Variants in KIF23 observed in about 807,000 individuals in gnomAD.
KIF23 encodes the protein kinesin-like protein KIF23.
A neutral mutation model predicts 137.5 loss-of-function variants in KIF23; 30 were observed. The ratio of observed to expected loss-of-function variants is 0.22; its 90% confidence interval spans 0.16 to 0.30. The LOEUF (loss-of-function observed/expected upper bound fraction) is 0.30, where lower values mean the gene tolerates loss of function less well. KIF23 is among the 10% of genes least tolerant of loss of function. The pLI, the probability that KIF23 is intolerant of heterozygous loss-of-function variation, is 1.00. For synonymous variants in KIF23, 367 were observed against 391.1 expected, an observed-to-expected ratio of 0.94 and a Z score of 0.73; for missense variants, 920 against 1,194.3, an observed-to-expected ratio of 0.77 and a Z score of 3.38.
At chr15:69,425,218 C>G (rs1240345184) in intron 7 of KIF23, 64 bp from the exon 8 acceptor site, 1 of 1,246,076 alleles carries the variant, frequency 8.0e-7, no homozygotes, top group East Asian at 2.5e-5. Context: ...ATAGTCTGGA[C>G]TGAACATGTT....
At position 69,414,359 on chromosome 15, in the gene KIF23, G is replaced by T; in HGVS notation, c.-107G>T. 1 of 1,486,180 alleles carries T rather than the reference G, an allele frequency of 6.7e-7. No homozygotes were observed. The highest frequency in any genetic ancestry group is 9.1e-7 in the Non-Finnish European group (1 of 1,098,392). The allele number at this position is 1,486,180 out of a possible 1,614,324, so 92.1% of individuals were successfully genotyped here. A position where few individuals can be genotyped will look rare whatever the true frequency, so the allele number is the denominator to read the frequency against. On this transcript the variant is annotated 5_prime_UTR_variant, in exon 1 of 24. Coordinates refer to ENST00000679126, the MANE Select transcript of KIF23 (RefSeq NM_001367805.3). The stretch of plus-strand genomic sequence containing the variant: ...GTCGCCGCCGGCTTCGCAGAGCACC[G>T]CGCCTTAGCCGCGAAGTTCTAGTTC...
At chr15:69,441,128 CT>C (rs761694647) in intron 19 of KIF23, 49 bp downstream of exon 19, 1 of 1,476,262 alleles carries the variant, frequency 6.8e-7, no homozygotes, top group South Asian at 1.3e-5. Flanking sequence ...ATTTTATCTT[CT>C]TTGTTTTTTG....
Position 69,435,526 on chromosome 15 carries a change from T to G in KIF23, c.1158T>G (p.Asp386Glu). The change falls in exon 12 of 24, where the codon GAT becomes GAG. Residue 386 changes from aspartate (D) to glutamate (E), a missense_variant. Physicochemically the swap from Asp to Glu is conservative, Grantham distance 45 (BLOSUM62 2). This residue lies in a region of KIF23 where 714 missense variants were observed against 866.2 expected (regional missense o/e 0.82). Coordinates refer to ENST00000679126, the MANE Select transcript of KIF23 (RefSeq NM_001367805.3). ...TAATGACGCTAAGAACATGTATGGA[T>G]GTCCTAAGAGAGAACCAAATGTATG... ...QSLMTLRTCMDVLRENQMYGT... is the reference protein window; with the variant it reads ...QSLMTLRTCMEVLRENQMYGT... 1 of 1,614,118 alleles carries G rather than the reference T, an allele frequency of 6.2e-7. No individual in the cohort carries two copies.
chr15:69,420,210 G>A (rs535492519), intron 3 of KIF23, among the ~76,000 whole-genome samples: 1 of 152,124 alleles, frequency 6.6e-6, no homozygotes, highest in African/African-American at 2.4e-5. Context: ...GTTGCAGTGA[G>A]CCGAGATCCT....
At chr15:69,435,292 C>T (rs548988598) in intron 11 of KIF23, among the ~76,000 whole-genome samples, 191 bp from the exon 12 acceptor site, 2 of 152,238 alleles carry the variant, frequency 1.3e-5, no homozygotes, top group African/African-American at 2.4e-5. Flanking sequence ...GTTTAACCTT[C>T]CCAGAAATAC....
At chr15:69,437,836 C>T (rs2057520159) in intron 15 of KIF23, among the ~76,000 whole-genome samples, 1 of 152,128 alleles carries the variant, frequency 6.6e-6, no homozygotes, top group South Asian at 2.1e-4. Flanking sequence ...AATTTCCATA[C>T]TGAAATGAAA....
intron 2 of KIF23, among the ~76,000 whole-genome samples, chr15:69,416,969 A>AT (rs2056931202): frequency 6.6e-6 from 1 of 151,492 alleles, no homozygotes; most frequent in South Asian, 2.1e-4. Flanking sequence ...AAATAAATAA[A>AT]AATGTCTTTG....
intron 23 of KIF23, among the ~76,000 whole-genome samples, chr15:69,447,203 C>G (rs756099475): frequency 3.8e-4 from 58 of 152,176 alleles, no homozygotes; most frequent in Non-Finnish European, 8.8e-5. Flanking sequence ...CATATTCTGC[C>G]AACGCTCATA....
intron 3 of KIF23, among the ~76,000 whole-genome samples, chr15:69,418,787 C>T (rs1015382746): frequency 6.6e-5 from 10 of 152,166 alleles, no homozygotes; most frequent in African/African-American, 2.4e-4. Context: ...ATAATCTCTT[C>T]ATAGAGATGA....
intron 22 of KIF23, 55 bp from the exon 23 acceptor site, chr15:69,446,816 T>C: frequency 6.6e-7 from 1 of 1,506,992 alleles, no homozygotes; most frequent in Non-Finnish European, 9.2e-7. Context: ...AATAACTGTG[T>C]TTTATAGACT....
At chr15:69,426,590 C>T (rs2057198978) in intron 10 of KIF23, 133 bp downstream of exon 10, 2 of 868,594 alleles carry the variant, frequency 2.3e-6, no homozygotes, top group Non-Finnish European at 3.6e-6. Context: ...TGGTGATGCA[C>T]CACTCCTGTA....
At position 69,446,467 on chromosome 15, in the gene KIF23, T is replaced by C. The variant is rs891312875; in HGVS notation, c.2838+103T>C. ...TATGCTCTTTGAAAATGCTGAGGTA[T>C]AATCTCACATTGCCAGTGCACCATG... On this transcript the variant is annotated intron_variant, in intron 22 of 23. Transcript: ENST00000679126. The C allele has an allele frequency of 5.8e-6, 5 of 858,464 alleles. No individual in the cohort carries two copies. In the African/African-American group the frequency reaches 6.7e-5, roughly 12 times the overall value. The allele number at this position is 858,464 out of a possible 1,614,324, so 53.2% of individuals were successfully genotyped here. A position where few individuals can be genotyped will look rare whatever the true frequency, so the allele number is the denominator to read the frequency against.
At chr15:69,437,698 A>T (rs530779511) in intron 15 of KIF23, among the ~76,000 whole-genome samples, 500 of 152,092 alleles carry the variant, frequency 3.3e-3, no homozygotes, top group Non-Finnish European at 5.1e-3. Flanking sequence ...TGACATCGTG[A>T]TCCACCCACC....
intron 2 of KIF23, among the ~76,000 whole-genome samples, chr15:69,416,725 C>T (rs1322841172): frequency 6.6e-6 from 1 of 152,104 alleles, no homozygotes; most frequent in African/African-American, 2.4e-5. Context: ...GAGGCTGAGG[C>T]GGGTGGATCA....
intron 6 of KIF23, 68 bp from the exon 7 acceptor site, chr15:69,423,091 G>A: frequency 9.4e-7 from 1 of 1,058,748 alleles, no homozygotes; most frequent in Admixed American, 2.2e-5. Flanking sequence ...GAGCCACCAT[G>A]CCCGGCTGGG....
intron 1 of KIF23, chr15:69,414,811 C>G (rs919049162): frequency 1.7e-5 from 5 of 302,606 alleles, no homozygotes; most frequent in African/African-American, 1.1e-4. Flanking sequence ...GACAGCCTTT[C>G]CCTTCTCCCT....
intron 10 of KIF23, among the ~76,000 whole-genome samples, chr15:69,428,542 C>T (rs376338406): frequency 6.6e-6 from 1 of 151,274 alleles, no homozygotes. Context: ...CGCCTGTAAT[C>T]CCAGTTACTC....
Position 69,440,464 on chromosome 15 carries a change from T to A in KIF23, c.2086T>A (p.Ser696Thr), listed in dbSNP as rs767143265. Reference protein sequence around the residue: ...ERDREKVTQRSVSPSPVPLSS... With the variant: ...ERDREKVTQRTVSPSPVPLSS... ...AGATCGAGAAAAAGTTACTCAAAGA[T>A]CTGTTTCTCCATCACCTGTGCCTGT... is the stretch of plus-strand genomic sequence containing the variant. Residue 696 changes from serine to threonine, a missense_variant, in exon 18 of 24, where the codon TCT becomes ACT. Coordinates refer to ENST00000679126, the MANE Select transcript of KIF23 (RefSeq NM_001367805.3). 1 of 1,612,510 alleles carries A rather than the reference T, an allele frequency of 6.2e-7. No individual in the cohort carries two copies. Among genetic ancestry groups the A allele is most frequent in the Non-Finnish European group, 8.5e-7 (1 of 1,179,522 alleles).
intron 16 of KIF23, among the ~76,000 whole-genome samples, chr15:69,438,945 A>C (rs1490272478): frequency 6.6e-6 from 1 of 152,098 alleles, no homozygotes; most frequent in Non-Finnish European, 1.5e-5. Flanking sequence ...ATCTACAAAA[A>C]AAATTAGCCA....
Sources: gnomAD v4.1 joint callset for allele counts (sites outside exome capture counted in the v4.1 genomes callset) on GRCh38, gnomAD v4.1.1 for gene constraint, gnomAD v4.1.1 regional missense constraint, MANE v1.5 for transcripts, NCBI Gene and HGNC (gene_info 2026-07-23, HGNC 2026-07-21) for gene names.